Variants in DLC1 observed in about 807,000 individuals in gnomAD.
DLC1 encodes DLC1 Rho GTPase activating protein, also known as rho GTPase-activating protein 7.
DLC1 carries 54 observed loss-of-function variants against 140.3 expected under a neutral mutation model. That is an observed-to-expected ratio of 0.38 (90% confidence interval 0.31 to 0.48). DLC1 has a LOEUF of 0.48. Ranked by LOEUF, DLC1 falls within the 20% of genes least tolerant of loss-of-function variation. The pLI is 0.96. For missense variants in DLC1, 2,536 were observed against 1,907.0 expected (o/e 1.33, Z -6.14); for synonymous variants, 986 against 728.1 (o/e 1.35, Z -5.70).
intron 5 of DLC1, among the ~76,000 whole-genome samples, chr8:13,303,338 C>G (rs1388004892): frequency 6.6e-6 from 1 of 151,988 alleles, no homozygotes. Context: ...AATTTAATCT[C>G]TCGATTCTTT....
chr8:13,227,493 C>T (rs998225912), intron 5 of DLC1, among the ~76,000 whole-genome samples: 24 of 152,010 alleles, frequency 1.6e-4, no homozygotes, highest in Non-Finnish European at 2.9e-4. Flanking sequence ...GTGGTAGGGC[C>T]GAGGGTACCT....
At chr8:13,511,958 A>G (rs573051607) in intron 1 of DLC1, among the ~76,000 whole-genome samples, 12 of 152,270 alleles carry the variant, frequency 7.9e-5, no homozygotes, top group Middle Eastern at 3.4e-3. Flanking sequence ...AAACCATCCC[A>G]TAAGTATTTG....
chr8:13,329,463 C>A (rs964758412), intron 4 of DLC1, among the ~76,000 whole-genome samples: 3 of 152,016 alleles, frequency 2.0e-5, no homozygotes, highest in Non-Finnish European at 4.4e-5. Context: ...CTGGTTTAAC[C>A]CCAGTCATCA....
At chr8:13,298,910 C>T (rs1397559723) in intron 5 of DLC1, among the ~76,000 whole-genome samples, 2 of 152,064 alleles carry the variant, frequency 1.3e-5, no homozygotes, top group East Asian at 3.8e-4. Flanking sequence ...AATGATAATG[C>T]TTTGTTTTGC....
chr8:13,281,634 C>G (rs1322708683), intron 5 of DLC1, among the ~76,000 whole-genome samples: 1 of 152,124 alleles, frequency 6.6e-6, no homozygotes, highest in Non-Finnish European at 1.5e-5. Flanking sequence ...GGTTCAGAGA[C>G]TTGCTCTACA....
chr8:13,086,804 G>A (rs928782616), intron 16 of DLC1, among the ~76,000 whole-genome samples: 2 of 152,140 alleles, frequency 1.3e-5, no homozygotes, highest in African/African-American at 4.8e-5. Context: ...AGGGAGGACT[G>A]CTTGAGCTCA....
intron 1 of DLC1, among the ~76,000 whole-genome samples, chr8:13,577,222 A>G (rs1034513461): frequency 6.6e-6 from 1 of 152,138 alleles, no homozygotes. Flanking sequence ...CTGTGCTTTA[A>G]TTTATATCAA....
chr8:13,472,132 A>C (rs1454482028), intron 2 of DLC1, among the ~76,000 whole-genome samples: 3 of 152,220 alleles, frequency 2.0e-5, no homozygotes, highest in Non-Finnish European at 4.4e-5. Flanking sequence ...AATTTTCTCA[A>C]ATAACAAGCG....
At chr8:13,548,279 G>A (rs1005210656) in intron 1 of DLC1, among the ~76,000 whole-genome samples, 5 of 151,938 alleles carry the variant, frequency 3.3e-5, no homozygotes, top group African/African-American at 1.2e-4. Flanking sequence ...TGTTTCTATG[G>A]CATTATGTAC....
chr8:13,333,829 G>C (rs982387357), intron 4 of DLC1, among the ~76,000 whole-genome samples: 1 of 152,110 alleles, frequency 6.6e-6, no homozygotes, highest in Non-Finnish European at 1.5e-5. Flanking sequence ...TCACAATAGA[G>C]TAGACAGCTT....
At chr8:13,446,478 A>C (rs532422371) in intron 2 of DLC1, among the ~76,000 whole-genome samples, 2 of 152,082 alleles carry the variant, frequency 1.3e-5, no homozygotes, top group East Asian at 3.9e-4. Context: ...TTTAGTCATG[A>C]CTAAGTTTTA....
intron 2 of DLC1, among the ~76,000 whole-genome samples, chr8:13,435,992 G>A (rs1004510348): frequency 1.3e-5 from 2 of 152,164 alleles, no homozygotes; most frequent in Admixed American, 6.5e-5. Flanking sequence ...AAGTTCAGAT[G>A]ATTGTTAACA....
At chr8:13,318,619 A>T (rs1490684103) in intron 4 of DLC1, among the ~76,000 whole-genome samples, 1 of 152,210 alleles carries the variant, frequency 6.6e-6, no homozygotes, top group Non-Finnish European at 1.5e-5. Context: ...AGATATTGGT[A>T]TGGATTTTAA....
intron 1 of DLC1, among the ~76,000 whole-genome samples, chr8:13,507,506 T>C (rs1421554236): frequency 2.0e-5 from 3 of 152,212 alleles, no homozygotes; most frequent in Non-Finnish European, 4.4e-5. Context: ...TGGATAAACA[T>C]TTAATAACAT....
chr8:13,316,272 G>C (rs1832856734), intron 4 of DLC1, among the ~76,000 whole-genome samples: 2 of 152,194 alleles, frequency 1.3e-5, no homozygotes, highest in Non-Finnish European at 2.9e-5. Context: ...GAAGGGCAAT[G>C]TGGGTTAGGT....
intron 5 of DLC1, among the ~76,000 whole-genome samples, chr8:13,167,438 T>C (rs200132217): frequency 1.3e-5 from 2 of 152,268 alleles, no homozygotes; most frequent in East Asian, 3.9e-4. Context: ...TTAGCCGAGG[T>C]CCTTTCCCTC....
At chr8:13,354,238 C>G (rs972419305) in intron 4 of DLC1, among the ~76,000 whole-genome samples, 1 of 152,154 alleles carries the variant, frequency 6.6e-6, no homozygotes, top group South Asian at 2.1e-4. Context: ...GGAAGCCTTT[C>G]ATGGCCTTCT....
intron 1 of DLC1, chr8:13,567,107 G>C (rs562740146): frequency 1.2e-5 from 18 of 1,551,756 alleles, no homozygotes; most frequent in Non-Finnish European, 1.5e-5. Context: ...AGCTCATTCA[G>C]CTCCTCTGGA....
At chr8:13,422,858 A>G (rs1464762848) in intron 2 of DLC1, among the ~76,000 whole-genome samples, 1 of 152,178 alleles carries the variant, frequency 6.6e-6, no homozygotes, top group African/African-American at 2.4e-5. Context: ...AAACAAAACA[A>G]AAAGATTCTG....
Sources: gnomAD v4.1 joint callset for allele counts (sites outside exome capture counted in the v4.1 genomes callset) on GRCh38, gnomAD v4.1.1 for gene constraint, MANE v1.5 for transcripts, NCBI Gene and HGNC (gene_info 2026-07-23, HGNC 2026-07-21) for gene names.